CSMD1: variants seen among roughly 807,000 people sequenced by gnomAD.
CSMD1 encodes the protein CUB and Sushi multiple domains 1.
In CSMD1, 213 loss-of-function variants were observed where a neutral mutation model predicts 417.5. The ratio of observed to expected loss-of-function variants is 0.51; its 90% CI spans 0.46 to 0.57. The LOEUF is 0.57. Among genes scored for constraint, CSMD1 ranks in the 20% least tolerant of loss-of-function variants. CSMD1 has a pLI of 0.00. For missense variants in CSMD1, 6,923 were observed against 4,529.7 expected (o/e 1.53, Z -15.17); for synonymous variants, 2,862 against 1,736.8 (o/e 1.65, Z -16.11).
At chr8:4,233,635 A>G (rs956450147) in intron 3 of CSMD1, among the ~76,000 whole-genome samples, 2 of 152,148 alleles carry the variant, frequency 1.3e-5, no homozygotes, top group Admixed American at 1.3e-4. Context: ...GACTGCCCAG[A>G]TGCTCCAGAT....
In CSMD1 at chr8:2,965,762, T is replaced by C; in HGVS notation, c.9280+13A>G. The C allele has an allele frequency of 6.3e-7, 1 of 1,590,278 alleles. No homozygotes were observed. On this transcript the variant is annotated intron_variant, in intron 59 of 69. Coordinates refer to ENST00000635120, the MANE Select transcript of CSMD1 (RefSeq NM_033225.6). ...ATACACATCTGTAAAATCCAAAGAG[T>C]CACCAAACAAACCTTTGCAGACAGG...
At chr8:4,281,295 T>C (rs535574319) in intron 3 of CSMD1, among the ~76,000 whole-genome samples, 67 of 152,282 alleles carry the variant, frequency 4.4e-4, no homozygotes, top group Non-Finnish European at 8.8e-4. Flanking sequence ...AAGGTAGAGA[T>C]ATGAAAACCT....
intron 2 of CSMD1, among the ~76,000 whole-genome samples, chr8:4,577,713 C>A (rs1476841760): frequency 6.6e-6 from 1 of 152,208 alleles, no homozygotes; most frequent in Non-Finnish European, 1.5e-5. Flanking sequence ...TGCCCTTGCA[C>A]CCTAACACAG....
intron 1 of CSMD1, among the ~76,000 whole-genome samples, chr8:4,831,795 C>G (rs545314921): frequency 7.2e-4 from 109 of 152,288 alleles, no homozygotes; most frequent in African/African-American, 2.6e-3. Flanking sequence ...AGGTCCCCTT[C>G]AGGGACCAGC....
At chr8:4,666,012 CTTG>C (rs1037044192) in intron 1 of CSMD1, among the ~76,000 whole-genome samples, 1 of 152,148 alleles carries the variant, frequency 6.6e-6, no homozygotes, top group Non-Finnish European at 1.5e-5. Flanking sequence ...GGCAGCAGCA[CTTG>C]TTGTTGTCAT....
At chr8:3,718,017 G>C (rs572000515) in intron 6 of CSMD1, among the ~76,000 whole-genome samples, 2 of 152,214 alleles carry the variant, frequency 1.3e-5, no homozygotes, top group East Asian at 3.9e-4. Flanking sequence ...CTTAACTAAA[G>C]CCTCTCTGCC....
intron 3 of CSMD1, among the ~76,000 whole-genome samples, chr8:4,356,329 T>TACACACACACACACACAC (rs3990908): frequency 1.3e-5 from 2 of 150,860 alleles, no homozygotes; most frequent in African/African-American, 4.9e-5. Context: ...TCATATGTAA[T>TACACACACACACACACAC]ACACACACAC....
chr8:4,115,732 T>G (rs971381269), intron 3 of CSMD1, among the ~76,000 whole-genome samples: 4 of 152,052 alleles, frequency 2.6e-5, no homozygotes, highest in Admixed American at 2.0e-4. Flanking sequence ...ATCCTGACAA[T>G]GGACTGTCAA....
intron 52 of CSMD1, among the ~76,000 whole-genome samples, chr8:3,016,848 TG>T (rs34757722): frequency 0.015 from 2,348 of 152,298 alleles, 21 homozygotes; most frequent in East Asian, 0.038. Context: ...GAGACATGTT[TG>T]GGGGCATCTC....
At chr8:4,209,505 C>T (rs1169624997) in intron 3 of CSMD1, among the ~76,000 whole-genome samples, 1 of 152,186 alleles carries the variant, frequency 6.6e-6, no homozygotes, top group South Asian at 2.1e-4. Context: ...ACTCCCATGG[C>T]CCCTCCTCTC....
chr8:2,953,951 C>T (rs1007486399), intron 65 of CSMD1, among the ~76,000 whole-genome samples: 5 of 152,230 alleles, frequency 3.3e-5, no homozygotes, highest in African/African-American at 1.2e-4. Flanking sequence ...TTCATTTCTG[C>T]CTACCAAATG....
At chr8:4,717,494 G>A (rs1454526469) in intron 1 of CSMD1, among the ~76,000 whole-genome samples, 2 of 149,368 alleles carry the variant, frequency 1.3e-5, no homozygotes, top group Non-Finnish European at 3.0e-5. Context: ...TTCTATATAT[G>A]TATCTACCTA....
chr8:4,098,300 C>A (rs1801129768), intron 3 of CSMD1, among the ~76,000 whole-genome samples: 3 of 152,108 alleles, frequency 2.0e-5, no homozygotes, highest in South Asian at 4.2e-4. Flanking sequence ...TAATTTGGAA[C>A]AAGAACTTCA....
intron 7 of CSMD1, among the ~76,000 whole-genome samples, chr8:3,685,085 A>C (rs181604348): frequency 6.6e-6 from 1 of 152,236 alleles, no homozygotes; most frequent in East Asian, 1.9e-4. Context: ...TTCATTATAA[A>C]ACGATTTACT....
intron 54 of CSMD1, among the ~76,000 whole-genome samples, chr8:2,983,670 C>T (rs1805614253): frequency 6.6e-6 from 1 of 151,742 alleles, no homozygotes; most frequent in Admixed American, 6.6e-5. Flanking sequence ...AAAGCACTTC[C>T]CAGTCTTTGG....
At chr8:3,883,006 A>G (rs1806309067) in intron 5 of CSMD1, among the ~76,000 whole-genome samples, 1 of 152,190 alleles carries the variant, frequency 6.6e-6, no homozygotes, top group Non-Finnish European at 1.5e-5. Context: ...ACACTTCTGC[A>G]TGCATATTTT....
At chr8:3,059,298 C>T (rs939147259) in intron 49 of CSMD1, among the ~76,000 whole-genome samples, 4 of 150,096 alleles carry the variant, frequency 2.7e-5, no homozygotes, top group African/African-American at 9.8e-5. Flanking sequence ...TAAACGTTTA[C>T]CAAAAACACG....
intron 5 of CSMD1, among the ~76,000 whole-genome samples, chr8:3,826,127 G>C (rs1288657852): frequency 2.6e-5 from 4 of 151,972 alleles, no homozygotes; most frequent in Non-Finnish European, 5.9e-5. Flanking sequence ...CGTCAGCAGG[G>C]AACTCACACT....
chr8:4,065,521 G>A (rs1045564077), intron 3 of CSMD1, among the ~76,000 whole-genome samples: 2 of 151,758 alleles, frequency 1.3e-5, no homozygotes, highest in East Asian at 1.9e-4. Context: ...GTGAAGTTAC[G>A]GTATCAAGAA....
Sources: gnomAD v4.1 joint callset for allele counts (sites outside exome capture counted in the v4.1 genomes callset) on GRCh38, gnomAD v4.1.1 for gene constraint, MANE v1.5 for transcripts, NCBI Gene and HGNC (gene_info 2026-07-23, HGNC 2026-07-21) for gene names.